GABPB2: variants seen among roughly 807,000 people sequenced by gnomAD.
The protein encoded by GABPB2 is GA binding protein transcription factor subunit beta 2, also known as GA-binding protein subunit beta-2.
A neutral mutation model predicts 39.1 loss-of-function variants in GABPB2; 23 were observed. That is an observed-to-expected ratio of 0.59 (90% CI 0.42 to 0.83). The LOEUF (loss-of-function observed/expected upper bound fraction) is 0.83, where lower values mean the gene tolerates loss of function less well. Ranked by LOEUF, GABPB2 falls within the 40% of genes least tolerant of loss-of-function variation. The pLI is 0.00. For missense variants in GABPB2, 467 were observed against 541.1 expected (o/e 0.86, Z 1.36); for synonymous variants, 184 against 199.3 (o/e 0.92, Z 0.65).
intron 1 of GABPB2, among the ~76,000 whole-genome samples, chr1:151,077,619 G>A (rs1677288203): frequency 6.6e-6 from 1 of 151,774 alleles, no homozygotes; most frequent in East Asian, 1.9e-4. Flanking sequence ...CCACTCATAG[G>A]TATTTGAGGG....
At position 151,125,023 on chromosome 1, in the gene GABPB2, TTTAG is replaced by T. The variant is rs56263501; in HGVS notation, c.*6773_*6776del. ...ATTGAGGCTTTCCCAGGCATTCGAATTTAGTTAGTAGGTCATTTCTAATCTCTGG... is the reference window on the plus strand; with the variant it reads ...ATTGAGGCTTTCCCAGGCATTCGAATTTAGTAGGTCATTTCTAATCTCTGG... On this transcript the variant is annotated 3_prime_UTR_variant, in exon 9 of 9. Coordinates refer to ENST00000368918, the MANE Select transcript of GABPB2 (RefSeq NM_144618.3). 21,411 of 152,072 alleles carry T rather than the reference TTTAG, an allele frequency of 0.14. 2,011 individuals carry two copies. Among genetic ancestry groups the T allele is most frequent in the Non-Finnish European group, 0.21 (14,265 of 67,928 alleles). The allele number at this position is 152,072 out of a possible 1,614,324, so 9.4% of individuals were successfully genotyped here.
chr1:151,114,480 A>T (rs1680702377), intron 7 of GABPB2, among the ~76,000 whole-genome samples: 2 of 152,170 alleles, frequency 1.3e-5, no homozygotes, highest in South Asian at 4.1e-4. Context: ...TGGACGGATC[A>T]CAAGGTCAAG....
intron 6 of GABPB2, among the ~76,000 whole-genome samples, chr1:151,106,428 C>A (rs1679972181): frequency 6.6e-6 from 1 of 152,180 alleles, no homozygotes; most frequent in Non-Finnish European, 1.5e-5. Flanking sequence ...ACCTCTGCCT[C>A]CCAGGCTCAA....
intron 7 of GABPB2, among the ~76,000 whole-genome samples, chr1:151,110,102 TCTGC>T (rs1680304251): frequency 7.0e-6 from 1 of 143,882 alleles, no homozygotes; most frequent in African/African-American, 2.6e-5. Context: ...ACTCAAGTGA[TCTGC>T]CTGCCTTGGC....
intron 5 of GABPB2, among the ~76,000 whole-genome samples, chr1:151,101,232 G>A (rs1173183025): frequency 1.3e-5 from 2 of 151,640 alleles, no homozygotes; most frequent in Middle Eastern, 3.4e-3. Flanking sequence ...CAGCCTGGGC[G>A]ATAATGCCAG....
chr1:151,113,068 G>A (rs587769425), intron 7 of GABPB2, among the ~76,000 whole-genome samples: 5 of 150,368 alleles, frequency 3.3e-5, no homozygotes, highest in East Asian at 3.9e-4. Flanking sequence ...GAGCTACTGC[G>A]CCTAGCCCCT....
chr1:151,111,390 G>A (rs1398523996), intron 7 of GABPB2, among the ~76,000 whole-genome samples: 1 of 139,904 alleles, frequency 7.1e-6, no homozygotes, highest in Admixed American at 7.2e-5. Flanking sequence ...ATTACAAGGC[G>A]CCCACCACCG....
rs1180447212 is a variant in GABPB2, at chr1:151,123,768, C to T, written c.*5512C>T. 6.6e-6 allele frequency: 1 copy of T among 151,820 alleles called. No individual in the cohort carries two copies. Among genetic ancestry groups the T allele is most frequent in the Admixed American group, 6.6e-5 (1 of 15,204 alleles). 9.4% of individuals were successfully genotyped at this position (151,820 alleles called of 1,614,324 possible). On this transcript the variant is annotated 3_prime_UTR_variant, in exon 9 of 9. Coordinates refer to ENST00000368918, the MANE Select transcript of GABPB2 (RefSeq NM_144618.3). ...TCGGGAGGCTGAGGCAGGAGAATGA[C>T]GTGAACCCAGGAGGCAGAGCTTGCA...
At chr1:151,081,856 C>T (rs759991256) in intron 1 of GABPB2, among the ~76,000 whole-genome samples, 1 of 151,892 alleles carries the variant, frequency 6.6e-6, no homozygotes, top group Non-Finnish European at 1.5e-5. Context: ...AGGCTGCTCT[C>T]GAACTCCTGA....
rs970141828 is a variant in GABPB2 at position 151,086,856 on chromosome 1, A to T, written c.1-1334A>T. On this transcript the variant is annotated intron_variant, in intron 1 of 8. Transcript: ENST00000368918. The stretch of plus-strand genomic sequence containing the variant: ...CTAATTTTTGTATTTTTTTGTATAT[A>T]TATTTTTTATTTTTTCGAGATAGTG... Among the ~76,000 whole-genome samples, 4 of 151,088 alleles carry T rather than the reference A, an allele frequency of 2.6e-5. No individual in the cohort carries two copies. In the East Asian group the frequency reaches 7.8e-4, roughly 29 times the overall value.
chr1:151,104,873 C>CCTCT (rs986203949), intron 6 of GABPB2, among the ~76,000 whole-genome samples: 13 of 144,954 alleles, frequency 9.0e-5, no homozygotes, highest in Admixed American at 5.0e-4. Flanking sequence ...TCCCTCCCTC[C>CCTCT]CTCTCTCTCT....
At chr1:151,074,350 G>T (rs1189081048) in intron 1 of GABPB2, among the ~76,000 whole-genome samples, 3 of 141,498 alleles carry the variant, frequency 2.1e-5, no homozygotes, top group Non-Finnish European at 4.5e-5. Context: ...TCGCTCTGTC[G>T]CCCAGGCTGG....
At chr1:151,115,402 CT>C (rs111270273) in intron 7 of GABPB2, among the ~76,000 whole-genome samples, 121,827 of 132,956 alleles carry the variant, frequency 0.92, 55,746 homozygotes, top group East Asian at 0.96. Context: ...AAACTATTTT[CT>C]TTTTTTTTTT....
intron 3 of GABPB2, among the ~76,000 whole-genome samples, chr1:151,092,872 A>T (rs1448766621): frequency 1.3e-5 from 2 of 152,060 alleles, no homozygotes; most frequent in East Asian, 3.9e-4. Context: ...TCCGTTCCTG[A>T]AGGTATTCTC....
At chr1:151,093,158 GCT>G in intron 3 of GABPB2, 32 bp from the exon 4 acceptor site, 1 of 1,512,308 alleles carries the variant, frequency 6.6e-7, no homozygotes. Context: ...TACTATAACC[GCT>G]GTTTGTTGAA....
chr1:151,086,745 G>A (rs1233013248), intron 1 of GABPB2, among the ~76,000 whole-genome samples: 1 of 151,718 alleles, frequency 6.6e-6, no homozygotes, highest in Non-Finnish European at 1.5e-5. Context: ...TCAGCTCACT[G>A]CAACCTCCAC....
In GABPB2 at chr1:151,122,476, G is replaced by T. The variant is rs1251740638; in HGVS notation, c.*4220G>T. ...ATTTCGGAGCCTTACTTTAACGATA[G>T]AGGAACCAAGTATCATTTTAGATAT... On this transcript the variant is annotated 3_prime_UTR_variant, in exon 9 of 9. Coordinates refer to ENST00000368918, the MANE Select transcript of GABPB2 (RefSeq NM_144618.3). 2 of 152,074 alleles carry T rather than the reference G, an allele frequency of 1.3e-5. No homozygotes were observed. Among genetic ancestry groups the T allele is most frequent in the Non-Finnish European group, 2.9e-5 (2 of 68,034 alleles). 9.4% of individuals were successfully genotyped at this position (152,074 alleles called of 1,614,324 possible).
At chr1:151,111,117 G>GA (rs1447051671) in intron 7 of GABPB2, among the ~76,000 whole-genome samples, 1 of 152,008 alleles carries the variant, frequency 6.6e-6, no homozygotes, top group East Asian at 1.9e-4. Flanking sequence ...CATGTCTACT[G>GA]AAAAAATACA....
At chr1:151,098,332 C>T (rs1054558822) in intron 5 of GABPB2, among the ~76,000 whole-genome samples, 2 of 151,922 alleles carry the variant, frequency 1.3e-5, no homozygotes, top group African/African-American at 4.8e-5. Flanking sequence ...TAGCAAGACC[C>T]CATCCTCTAC....
Sources: allele counts gnomAD v4.1 joint callset (sites outside exome capture counted in the v4.1 genomes callset), GRCh38; gene constraint gnomAD v4.1.1; transcripts MANE v1.5; gene names NCBI Gene and HGNC (gene_info 2026-07-23, HGNC 2026-07-21).